The following PIK3C2G variants were observed in gnomAD, a reference collection of about 807,000 sequenced individuals.
PIK3C2G encodes the protein phosphatidylinositol-4-phosphate 3-kinase catalytic subunit type 2 gamma, also known as phosphatidylinositol 3-kinase C2 domain-containing subunit gamma.
PIK3C2G carries 168 observed loss-of-function variants against 181.1 expected under a neutral mutation model. That is an observed-to-expected ratio of 0.93 (90% confidence interval 0.82 to 1.05). The LOEUF is 1.05. Among genes scored for constraint, PIK3C2G ranks in the 50% least tolerant of loss-of-function variants. The pLI is 0.00. For synonymous variants in PIK3C2G, 573 were observed against 592.2 expected (o/e 0.97, Z 0.47); for missense variants, 1,869 against 1,732.8 (o/e 1.08, Z -1.40).
intron 14 of PIK3C2G, among the ~76,000 whole-genome samples, chr12:18,384,980 A>T (rs1943072206): frequency 6.6e-6 from 1 of 152,164 alleles, no homozygotes; most frequent in Admixed American, 6.5e-5. Context: ...AGTCAGCTAA[A>T]TTTAGAGCAG....
rs959808703 is a variant in PIK3C2G, at chr12:18,590,303, G to A, written c.4012-4191G>A. ...CCAAAAGGATGGCCACATACTTTCCGAACACCTCATATTCCAGGATTGATA... is the reference window on the plus strand; with the variant it reads ...CCAAAAGGATGGCCACATACTTTCCAAACACCTCATATTCCAGGATTGATA... On this transcript the variant is annotated intron_variant, in intron 29 of 32. Transcript: ENST00000538779. Among the ~76,000 whole-genome samples the A allele has an allele frequency of 4.8e-4, 73 of 151,868 alleles. 1 individual carries two copies. Among genetic ancestry groups the A allele is most frequent in the African/African-American group, 1.5e-3 (61 of 41,486 alleles).
At chr12:18,650,708 A>ATATC (rs1565602616), downstream of PIK3C2G, among the ~76,000 whole-genome samples, 22 of 7,796 alleles carry the variant, frequency 2.8e-3, no homozygotes, top group African/African-American at 0.011. Flanking sequence ...GTGTGTGTAT[A>ATATC]TATCTATATA....
the PIK3C2G span, chr12:18,685,687 C>T: frequency 5.9e-6 from 3 of 512,786 alleles, no homozygotes; most frequent in Non-Finnish European, 1.2e-5. Flanking sequence ...TCATGGGGTA[C>T]AGAGGCAGGT....
At chr12:18,316,140 C>T (rs1950850664) in intron 6 of PIK3C2G, among the ~76,000 whole-genome samples, 1 of 151,824 alleles carries the variant, frequency 6.6e-6, no homozygotes, top group Non-Finnish European at 1.5e-5. Context: ...AATAAAAGAA[C>T]TGAAAAGTTA....
the PIK3C2G span, chr12:18,693,767 A>ATAT: frequency 6.6e-7 from 1 of 1,517,418 alleles, no homozygotes; most frequent in Non-Finnish European, 9.1e-7. Context: ...TATCATGGCC[A>ATAT]CAAACCAAAT....
chr12:18,662,251 A>G, the PIK3C2G span, among the ~76,000 whole-genome samples: 1 of 152,098 alleles, frequency 6.6e-6, no homozygotes, highest in Non-Finnish European at 1.5e-5. Flanking sequence ...TCTGTACATC[A>G]AACCCCTGCA....
chr12:18,487,986 C>T (rs967781227), intron 18 of PIK3C2G, among the ~76,000 whole-genome samples: 2 of 151,916 alleles, frequency 1.3e-5, no homozygotes, highest in Non-Finnish European at 2.9e-5. Context: ...GGGAGGTGCT[C>T]GGAAAAAGAC....
intron 8 of PIK3C2G, among the ~76,000 whole-genome samples, chr12:18,332,624 C>T (rs1224742858): frequency 6.6e-6 from 1 of 152,078 alleles, no homozygotes; most frequent in African/African-American, 2.4e-5. Flanking sequence ...TTTGCTTCTA[C>T]CCTTCCTTCA....
chr12:18,283,817 A>G (rs2137135444), intron 2 of PIK3C2G, among the ~76,000 whole-genome samples: 1 of 152,238 alleles, frequency 6.6e-6, no homozygotes, highest in Non-Finnish European at 1.5e-5. Flanking sequence ...AAACAACTAT[A>G]CAATTAGACG....
At chr12:18,700,393 G>C in the PIK3C2G span, among the ~76,000 whole-genome samples, 1 of 151,224 alleles carries the variant, frequency 6.6e-6, no homozygotes, top group African/African-American at 2.4e-5. Context: ...AACATTTCTT[G>C]CTCATGCTCA....
At chr12:18,611,680 A>C (rs1297687469) in intron 31 of PIK3C2G, among the ~76,000 whole-genome samples, 1 of 151,988 alleles carries the variant, frequency 6.6e-6, no homozygotes, top group Non-Finnish European at 1.5e-5. Flanking sequence ...AGTAAATAGC[A>C]CCTTCATTCT....
upstream of PIK3C2G, among the ~76,000 whole-genome samples, chr12:18,246,075 C>G (rs1187310526): frequency 6.6e-6 from 1 of 152,100 alleles, no homozygotes; most frequent in Non-Finnish European, 1.5e-5. Flanking sequence ...TTAGAAGTAT[C>G]TTTATCTCAA....
At chr12:18,372,663 G>C (rs1272856424) in intron 13 of PIK3C2G, 3 of 152,132 alleles carry the variant, frequency 2.0e-5, no homozygotes, top group African/African-American at 7.2e-5. Context: ...ATAAAAAAAG[G>C]TTAAGTCCAT....
rs895596085 is a variant in PIK3C2G at position 18,370,016 on chromosome 12, G to T, written c.1749-1164G>T. ...TATAATTGACATATGATCATATAAC[G>T]ATCGTATAATTGACATATGATCATA... On this transcript the variant is annotated intron_variant, in intron 12 of 32. Transcript: ENST00000538779. Among the ~76,000 whole-genome samples, 13 of 146,502 alleles carry T rather than the reference G, an allele frequency of 8.9e-5. No homozygotes were observed. In the East Asian group the frequency reaches 1.4e-3, roughly 16 times the overall value.
At chr12:18,250,269 G>GA (rs529293335) in intron 1 of PIK3C2G, among the ~76,000 whole-genome samples, 3 of 151,382 alleles carry the variant, frequency 2.0e-5, no homozygotes, top group South Asian at 2.1e-4. Context: ...TGTACCAACA[G>GA]AAAAAAAAGT....
At chr12:18,396,802 C>T (rs1462153303) in intron 15 of PIK3C2G, among the ~76,000 whole-genome samples, 1 of 151,556 alleles carries the variant, frequency 6.6e-6, no homozygotes, top group African/African-American at 2.4e-5. Context: ...AAAAAATATA[C>T]TACATTTATT....
chr12:18,341,670 G>T (rs10841018), intron 9 of PIK3C2G, among the ~76,000 whole-genome samples: 11 of 152,012 alleles, frequency 7.2e-5, no homozygotes, highest in African/African-American at 2.4e-4. Context: ...CTATGTAAGA[G>T]TACTGGCACA....
At chr12:18,597,647 G>A (rs1947448168) in intron 30 of PIK3C2G, among the ~76,000 whole-genome samples, 2 of 152,096 alleles carry the variant, frequency 1.3e-5, no homozygotes, top group South Asian at 4.1e-4. Flanking sequence ...GTTCTGGCCA[G>A]GGCAATTAGA....
intron 29 of PIK3C2G, among the ~76,000 whole-genome samples, chr12:18,573,980 G>T (rs1046346118): frequency 2.6e-5 from 4 of 152,110 alleles, no homozygotes; most frequent in Non-Finnish European, 4.4e-5. Context: ...GATCAAAAAA[G>T]GCTTTTAAGA....
Sources: allele counts gnomAD v4.1 joint callset (sites outside exome capture counted in the v4.1 genomes callset), GRCh38; gene constraint gnomAD v4.1.1; transcripts MANE v1.5; gene names NCBI Gene and HGNC (gene_info 2026-07-23, HGNC 2026-07-21).